TTLL11: variants seen among roughly 807,000 people sequenced by gnomAD.
TTLL11 encodes tubulin polyglutamylase TTLL11.
In TTLL11, 42 loss-of-function variants were observed where a neutral mutation model predicts 51.7. The observed-to-expected ratio is 0.81, with a 90% CI of 0.64 to 1.05. TTLL11 has a LOEUF of 1.05. Among genes scored for constraint, TTLL11 ranks in the 50% least tolerant of loss-of-function variants. The probability of loss-of-function intolerance (pLI) is 0.00; values close to 1 mark genes in which losing one functional copy is unlikely to be tolerated. For missense variants in TTLL11, 799 were observed against 940.4 expected (o/e 0.85, Z 1.97); for synonymous variants, 381 against 383.5 (o/e 0.99, Z 0.08).
At chr9:121,848,873 A>G (rs1486714725) in intron 8 of TTLL11, among the ~76,000 whole-genome samples, 2 of 152,230 alleles carry the variant, frequency 1.3e-5, no homozygotes, top group Non-Finnish European at 2.9e-5. Context: ...CCAGCAAGTT[A>G]TTTTGTGGAT....
In TTLL11 at chr9:121,818,113, G is replaced by A. The variant is rs1016024903; in HGVS notation, c.*4474C>T. 3 of 152,328 alleles carry A rather than the reference G, an allele frequency of 2.0e-5. No individual in the cohort carries two copies. Among genetic ancestry groups the A allele is most frequent in the Non-Finnish European group, 4.4e-5 (3 of 68,164 alleles). 9.4% of individuals were successfully genotyped at this position (152,328 alleles called of 1,614,324 possible). On this transcript the variant is annotated 3_prime_UTR_variant, in exon 9 of 9. Coordinates refer to ENST00000321582, the MANE Select transcript of TTLL11 (RefSeq NM_001139442.2). The stretch of plus-strand genomic sequence containing the variant: ...ACTCAGGGCAATGCAGAGTTGAAAG[G>A]AGGCTGGCTAGCCGGCTGGAGGGGT...
intron 6 of TTLL11, among the ~76,000 whole-genome samples, chr9:121,961,206 T>C (rs1842207671): frequency 6.6e-6 from 1 of 152,108 alleles, no homozygotes; most frequent in Non-Finnish European, 1.5e-5. Flanking sequence ...CTTCCCACTT[T>C]ACCACCTCTT....
intron 3 of TTLL11, among the ~76,000 whole-genome samples, chr9:121,992,789 T>C (rs752539510): frequency 1.3e-5 from 2 of 152,206 alleles, no homozygotes; most frequent in Non-Finnish European, 2.9e-5. Context: ...GAAAACTTTA[T>C]GTGGCTTTTA....
intron 1 of TTLL11, among the ~76,000 whole-genome samples, chr9:122,060,148 T>C (rs993703730): frequency 2.6e-5 from 4 of 152,150 alleles, no homozygotes; most frequent in African/African-American, 9.7e-5. Context: ...CGATGTCTTA[T>C]CATAGACACA....
chr9:122,063,121 C>T (rs917750012), intron 1 of TTLL11, among the ~76,000 whole-genome samples: 6 of 152,034 alleles, frequency 3.9e-5, no homozygotes, highest in Non-Finnish European at 2.9e-5. Flanking sequence ...CTCCTTTGCC[C>T]GAATTTTTTT....
chr9:122,036,115 C>G (rs372403732), intron 2 of TTLL11, among the ~76,000 whole-genome samples: 11 of 152,164 alleles, frequency 7.2e-5, no homozygotes, highest in African/African-American at 2.6e-4. Flanking sequence ...GCCCTTGCTC[C>G]GGACCCCCAC....
chr9:122,062,163 T>C (rs968596068), intron 1 of TTLL11, among the ~76,000 whole-genome samples: 1 of 152,142 alleles, frequency 6.6e-6, no homozygotes, highest in Non-Finnish European at 1.5e-5. Flanking sequence ...TTTGTTATTA[T>C]ACCTCAGAGT....
chr9:122,090,894 A>G (rs1846243727), intron 1 of TTLL11, among the ~76,000 whole-genome samples: 1 of 152,208 alleles, frequency 6.6e-6, no homozygotes, highest in Non-Finnish European at 1.5e-5. Context: ...ATGCAAATAA[A>G]TGAAAAGGGA....
intron 1 of TTLL11, among the ~76,000 whole-genome samples, chr9:122,062,462 CTTTTTTTTTTTTT>C (rs386416145): frequency 9.1e-4 from 71 of 77,702 alleles, no homozygotes; most frequent in Admixed American, 8.4e-3. Flanking sequence ...TTATATTATG[CTTTTTTTTTTTTT>C]TTTTTTTTTT....
At chr9:121,887,709 G>A (rs375451672) in intron 6 of TTLL11, among the ~76,000 whole-genome samples, 58 of 152,340 alleles carry the variant, frequency 3.8e-4, no homozygotes, top group African/African-American at 1.3e-3. Context: ...ACAGGCGAGG[G>A]GAAACTTGGG....
chr9:121,932,146 G>A (rs546662693), intron 6 of TTLL11, among the ~76,000 whole-genome samples: 1 of 152,258 alleles, frequency 6.6e-6, no homozygotes, highest in East Asian at 1.9e-4. Context: ...ACGAGCCTAT[G>A]AGTTCTTGAG....
chr9:121,918,108 C>T (rs1375040941), intron 6 of TTLL11, among the ~76,000 whole-genome samples: 2 of 152,096 alleles, frequency 1.3e-5, no homozygotes, highest in Non-Finnish European at 2.9e-5. Flanking sequence ...GACCACGGAC[C>T]AGGGTGTGGG....
At chr9:122,071,549 C>T (rs897510252) in intron 1 of TTLL11, among the ~76,000 whole-genome samples, 5 of 152,144 alleles carry the variant, frequency 3.3e-5, no homozygotes, top group African/African-American at 9.7e-5. Context: ...AGGGTGGTCC[C>T]TAGAGAGGAG....
At chr9:121,879,438 C>T (rs1341006867) in intron 6 of TTLL11, among the ~76,000 whole-genome samples, 1 of 152,256 alleles carries the variant, frequency 6.6e-6, no homozygotes, top group Non-Finnish European at 1.5e-5. Flanking sequence ...CTGACACCCT[C>T]CTTCTCTATT....
chr9:121,869,547 T>C (rs958494798), intron 7 of TTLL11, among the ~76,000 whole-genome samples: 20 of 152,222 alleles, frequency 1.3e-4, no homozygotes, highest in African/African-American at 4.8e-4. Context: ...GATTAACATA[T>C]ACTTAGTGGG....
intron 8 of TTLL11, among the ~76,000 whole-genome samples, chr9:121,851,737 T>A (rs569668812): frequency 6.6e-6 from 1 of 152,200 alleles, no homozygotes; most frequent in Admixed American, 6.5e-5. Context: ...CTCAGTGCAG[T>A]TGGGAGCACT....
At chr9:121,873,671 T>C (rs913481838) in intron 6 of TTLL11, among the ~76,000 whole-genome samples, 8 of 130,542 alleles carry the variant, frequency 6.1e-5, no homozygotes, top group African/African-American at 1.4e-4. Context: ...TCTTCTTCTT[T>C]TTTAAGAGAT....
chr9:121,857,317 T>C (rs1394276874), intron 8 of TTLL11, among the ~76,000 whole-genome samples: 1 of 152,158 alleles, frequency 6.6e-6, no homozygotes, highest in African/African-American at 2.4e-5. Context: ...CTGTATCACT[T>C]AAGTGAACAA....
chr9:122,091,097 G>A (rs1198859103), intron 1 of TTLL11, among the ~76,000 whole-genome samples: 1 of 152,136 alleles, frequency 6.6e-6, no homozygotes, highest in Non-Finnish European at 1.5e-5. Context: ...GAACGAACCT[G>A]GGCTGGGATG....
Sources: gnomAD v4.1 joint callset for allele counts (sites outside exome capture counted in the v4.1 genomes callset) on GRCh38, gnomAD v4.1.1 for gene constraint, MANE v1.5 for transcripts, NCBI Gene and HGNC (gene_info 2026-07-23, HGNC 2026-07-21) for gene names.